PALM: variants seen among roughly 807,000 people sequenced by gnomAD.
PALM encodes paralemmin.
In PALM, 18 loss-of-function variants were observed where a neutral mutation model predicts 30.7. The ratio of observed to expected loss-of-function variants is 0.59; its 90% CI spans 0.41 to 0.87. PALM has a LOEUF of 0.87. PALM is among the 40% of genes least tolerant of loss of function. The pLI is 0.00. For missense variants in PALM, 529 were observed against 555.4 expected (o/e 0.95, Z 0.48); for synonymous variants, 286 against 242.8 (o/e 1.18, Z -1.66).
intron 1 of PALM, among the ~76,000 whole-genome samples, chr19:714,313 T>C (rs1002608456): frequency 1.1e-4 from 17 of 151,428 alleles, no homozygotes; most frequent in Non-Finnish European, 1.5e-4. Context: ...GTGCTGGGAT[T>C]ACACGCATGA....
At chr19:733,241 G>C (rs982214911) in intron 5 of PALM, among the ~76,000 whole-genome samples, 2 of 152,036 alleles carry the variant, frequency 1.3e-5, no homozygotes, top group African/African-American at 4.8e-5. Context: ...AGTGGGTTTT[G>C]AAGGTTGAAT....
intron 5 of PALM, 102 bp downstream of exon 5, chr19:731,347 C>A (rs1370580929): frequency 7.3e-6 from 8 of 1,093,066 alleles, no homozygotes; most frequent in Non-Finnish European, 9.0e-6. Flanking sequence ...AGGGGACAGG[C>A]ACAGACTAGA....
At chr19:710,077 T>C (rs2032022578) in intron 1 of PALM, among the ~76,000 whole-genome samples, 1 of 152,266 alleles carries the variant, frequency 6.6e-6, no homozygotes, top group African/African-American at 2.4e-5. Flanking sequence ...ACCTGCCCAC[T>C]TCAGGACAGG....
At chr19:735,065 G>A (rs2032981770) in intron 6 of PALM, 1 of 988,998 alleles carries the variant, frequency 1.0e-6, no homozygotes, top group Non-Finnish European at 1.2e-6. Flanking sequence ...GGAATGAACT[G>A]TGAGGCTGCC....
Position 709,998 on chromosome 19 carries a change from C to G in PALM, c.5+847C>G, listed in dbSNP as rs976678179. Reference sequence around the variant, plus strand: ...CCCTCCTCCCGGTGCTCGGGTGCCCCTCTGCCCCTCACTCCCACAGGTGGG... The same window carrying G: ...CCCTCCTCCCGGTGCTCGGGTGCCCGTCTGCCCCTCACTCCCACAGGTGGG... On this transcript the variant is annotated intron_variant, in intron 1 of 8. Transcript: ENST00000338448. The surrounding 1 kb of genome is among the most constrained non-coding windows in gnomAD (Gnocchi z 4.3). Among the ~76,000 whole-genome samples the G allele has an allele frequency of 6.6e-6, 1 of 152,178 alleles. No homozygotes were observed. The highest frequency in any genetic ancestry group is 2.4e-5 in the African/African-American group (1 of 41,452).
At position 746,275 on chromosome 19, in the gene PALM, C is replaced by A; in HGVS notation, c.635-10C>A. 6.2e-7 allele frequency: 1 copy of A among 1,609,888 alleles called. No individual in the cohort carries two copies. Among genetic ancestry groups the A allele is most frequent in the Non-Finnish European group, 8.5e-7 (1 of 1,177,784 alleles). Reference sequence around the variant, plus strand: ...GAGCTGGGTCATTCTCTCTGTCTCTCCTTGTACAGTGGTCCATGCTGTGGA... The same window carrying A: ...GAGCTGGGTCATTCTCTCTGTCTCTACTTGTACAGTGGTCCATGCTGTGGA... On this transcript the variant is annotated splice_polypyrimidine_tract_variant and intron_variant, in intron 8 of 8. Coordinates refer to ENST00000338448, the MANE Select transcript of PALM (RefSeq NM_002579.3). The surrounding 1 kb of genome is among the most constrained non-coding windows in gnomAD (Gnocchi z 7.1).
chr19:737,367 G>A (rs1364630114), intron 7 of PALM, among the ~76,000 whole-genome samples: 1 of 152,238 alleles, frequency 6.6e-6, no homozygotes, highest in East Asian at 1.9e-4. Context: ...CTGGGGTGGA[G>A]GGCTGAGGCT....
chr19:723,469 C>T (rs1489807602), intron 1 of PALM, among the ~76,000 whole-genome samples: 1 of 152,184 alleles, frequency 6.6e-6, no homozygotes, highest in Non-Finnish European at 1.5e-5. Context: ...CCACCGCCAA[C>T]CCCTACCGTC....
intron 1 of PALM, chr19:719,238 C>A (rs1251035269): frequency 1.2e-5 from 12 of 985,424 alleles, no homozygotes; most frequent in Non-Finnish European, 1.4e-5. Flanking sequence ...CCGCCCTGCT[C>A]GCTGGGTGAC....
At chr19:741,687 C>T (rs2033200865) in intron 8 of PALM, among the ~76,000 whole-genome samples, 1 of 151,822 alleles carries the variant, frequency 6.6e-6, no homozygotes, top group African/African-American at 2.4e-5. Flanking sequence ...CTTTGGGAAG[C>T]CTTGGGTGCG....
At chr19:719,775 C>G (rs1326834377) in intron 1 of PALM, 1 of 364,836 alleles carries the variant, frequency 2.7e-6, no homozygotes, top group African/African-American at 2.2e-5. Flanking sequence ...GGGCCCCGCC[C>G]GCAGGAGGAT....
intron 1 of PALM, among the ~76,000 whole-genome samples, chr19:714,950 C>T (rs1207358547): frequency 1.3e-5 from 2 of 152,170 alleles, no homozygotes; most frequent in Admixed American, 6.5e-5. Flanking sequence ...AGCCACTGCA[C>T]CCAGCCTGAT....
intron 4 of PALM, among the ~76,000 whole-genome samples, chr19:729,272 G>C (rs1451871348): frequency 6.6e-6 from 1 of 151,608 alleles, no homozygotes; most frequent in Non-Finnish European, 1.5e-5. Flanking sequence ...GTTTCAGTGA[G>C]CCGAGATCAA....
chr19:743,316 T>A (rs1350190115), intron 8 of PALM, among the ~76,000 whole-genome samples: 1 of 152,050 alleles, frequency 6.6e-6, no homozygotes, highest in South Asian at 2.1e-4. Context: ...CACTCCACCC[T>A]CCTCAGCCTC....
rs1284225843 is a variant in PALM, at chr19:709,884, A to AC, written c.5+738dup. Among the ~76,000 whole-genome samples, 10 of 149,520 alleles carry AC rather than the reference A, an allele frequency of 6.7e-5. No homozygotes were observed. The highest frequency in any genetic ancestry group is 2.5e-4 in the African/African-American group (10 of 40,120). The stretch of plus-strand genomic sequence containing the variant: ...GCTGGCCCTGGGCTGGGATCCCTGG[A>AC]CCCCCGCATGGCTGCGCCTGTGTGT... On this transcript the variant is annotated intron_variant, in intron 1 of 8. Transcript: ENST00000338448. This position sits in a 1 kb window ranked among gnomAD's most constrained non-coding sequence, Gnocchi z 4.3.
In PALM at chr19:709,261, G is replaced by T. The variant is rs1394523375; in HGVS notation, c.5+110G>T. The T allele has an allele frequency of 7.4e-6, 2 of 269,294 alleles. No individual in the cohort carries two copies. The highest frequency in any genetic ancestry group is 1.4e-5 in the Non-Finnish European group (2 of 142,550). The allele number at this position is 269,294 out of a possible 1,614,324, so 16.7% of individuals were successfully genotyped here. ...ATTGGGGGCGTCGCTGCCCCCGCGA[G>T]GAGCAGGAGGCGGCGCGGGGCTGCT... On this transcript the variant is annotated intron_variant, in intron 1 of 8. Transcript: ENST00000338448. This position sits in a 1 kb window ranked among gnomAD's most constrained non-coding sequence, Gnocchi z 4.3.
At position 746,772 on chromosome 19, in the gene PALM, C is replaced by G. The variant is rs1041335634; in HGVS notation, c.1122C>G (p.Leu374=). The change falls in exon 9 of 9, where the codon CTC becomes CTG. Residue 374 remains leucine, a synonymous_variant. Coordinates refer to ENST00000338448, the MANE Select transcript of PALM (RefSeq NM_002579.3). This position sits in a 1 kb window ranked among gnomAD's most constrained non-coding sequence, Gnocchi z 7.1. The stretch of plus-strand genomic sequence containing the variant: ...CCACCACCAGCGACCCCCAGGACCT[C>G]GACATGAAGAAGCACCGTTGTAAAT... The part of the protein sequence containing the change: ...PEATTSDPQD[L]DMKKHRCKCC... 4 of 1,585,350 alleles carry G rather than the reference C, an allele frequency of 2.5e-6. No homozygotes were observed. The East Asian group carries it at 9.1e-5, about 36-fold the overall frequency.
Position 734,200 on chromosome 19 carries a change from A to C in PALM, c.442+6A>C, listed in dbSNP as rs369913874. 8 of 1,613,312 alleles carry C rather than the reference A, an allele frequency of 5.0e-6. No homozygotes were observed. The Admixed American group carries it at 5.0e-5, about 10-fold the overall frequency. ...GCCGGTGGGCACGCCCAAAGGTAGG[A>C]CCTCTGGAAGGAACTCGTGGGGCCT... On this transcript the variant is annotated splice_donor_region_variant and intron_variant, in intron 6 of 8. Coordinates refer to ENST00000338448, the MANE Select transcript of PALM (RefSeq NM_002579.3).
At chr19:730,103 C>T (rs2032824639) in intron 4 of PALM, among the ~76,000 whole-genome samples, 1 of 152,228 alleles carries the variant, frequency 6.6e-6, no homozygotes, top group South Asian at 2.1e-4. Context: ...CTCCACTACC[C>T]ACCTTCTGCC....
Sources: allele counts gnomAD v4.1 joint callset (sites outside exome capture counted in the v4.1 genomes callset), GRCh38; gene constraint gnomAD v4.1.1; non-coding constraint Gnocchi (gnomAD v3.1); transcripts MANE v1.5; gene names NCBI Gene and HGNC (gene_info 2026-07-23, HGNC 2026-07-21).